COL12A1: variants seen among roughly 807,000 people sequenced by gnomAD.
COL12A1 encodes the protein collagen type XII alpha 1 chain.
In COL12A1, 114 loss-of-function variants were observed where a neutral mutation model predicts 349.7. The ratio of observed to expected loss-of-function variants is 0.33; its 90% confidence interval spans 0.28 to 0.38. The LOEUF (loss-of-function observed/expected upper bound fraction) is 0.38. COL12A1 is among the 10% of genes least tolerant of loss of function. COL12A1 has a pLI of 1.00. For synonymous variants in COL12A1, 1,369 were observed against 1,329.0 expected, an observed-to-expected ratio of 1.03 and a Z score of -0.66; for missense variants, 3,284 against 3,756.9, an observed-to-expected ratio of 0.87 and a Z score of 3.29.
In COL12A1 at chr6:75,181,179, C is replaced by T. The variant is rs910956127; in HGVS notation, c.1924G>A (p.Glu642Lys). Residue 642 changes from glutamate (E) to lysine (K), a missense_variant, in exon 11 of 66, where the codon GAA (glutamate) becomes AAA (lysine). Physicochemically the swap from Glu to Lys is moderately conservative, Grantham distance 56 (BLOSUM62 1). Around this residue, in one of 2 missense-constraint regions of COL12A1, gnomAD observed 2,601 missense variants for 2,824.8 expected, o/e 0.92. Coordinates refer to ENST00000322507, the MANE Select transcript of COL12A1 (RefSeq NM_004370.6). ...GTTTTGAAACCATAAGAAGTCACTT[C>T]TGAAAAACTAAGATCCTTTGGAGGG... ...YVPPKDLSFS[E>K]VTSYGFKTNW... 1.2e-6 allele frequency: 2 copies of T among 1,609,494 alleles called. No individual in the cohort carries two copies. Among genetic ancestry groups the T allele is most frequent in the African/African-American group, 2.7e-5 (2 of 73,692 alleles).
chr6:75,174,329 G>C (rs1768797689), intron 13 of COL12A1, among the ~76,000 whole-genome samples: 1 of 152,084 alleles, frequency 6.6e-6, no homozygotes, highest in African/African-American at 2.4e-5. Flanking sequence ...GGCCGAGGCG[G>C]GCGGATCACG....
intron 13 of COL12A1, among the ~76,000 whole-genome samples, chr6:75,169,643 T>C (rs1768521595): frequency 6.6e-6 from 1 of 152,220 alleles, no homozygotes; most frequent in African/African-American, 2.4e-5. Flanking sequence ...GTACTTGCTC[T>C]CTTCTGTTCT....
chr6:75,157,961 A>G (rs1319499426), intron 14 of COL12A1, among the ~76,000 whole-genome samples: 4 of 152,204 alleles, frequency 2.6e-5, no homozygotes, highest in Non-Finnish European at 2.9e-5. Flanking sequence ...ACAGTTTAAA[A>G]GCAAATGTCA....
At chr6:75,155,595 A>G in intron 16 of COL12A1, 67 bp downstream of exon 16, 1 of 1,471,396 alleles carries the variant, frequency 6.8e-7, no homozygotes, top group Non-Finnish European at 9.2e-7. Flanking sequence ...CTACTAATTT[A>G]CAAAAGCTAT....
intron 26 of COL12A1, 164 bp downstream of exon 26, chr6:75,143,088 C>A: frequency 1.4e-6 from 1 of 703,802 alleles, no homozygotes. Flanking sequence ...TCCAATATAT[C>A]ATTGATTTTC....
At position 75,116,027 on chromosome 6, in the gene COL12A1, G is replaced by C. The variant is rs1468041100; in HGVS notation, c.7550C>G (p.Thr2517Ser). 6.2e-7 allele frequency: 1 copy of C among 1,613,362 alleles called. No individual in the cohort carries two copies. Among genetic ancestry groups the C allele is most frequent in the Non-Finnish European group, 8.5e-7 (1 of 1,179,562 alleles). Residue 2517 changes from threonine to serine, a missense_variant, in exon 48 of 66, where the codon ACC becomes AGC. Thr to Ser is a moderately conservative substitution (Grantham distance 58, BLOSUM62 1). Around this residue, in one of 2 missense-constraint regions of COL12A1, gnomAD observed 683 missense variants for 932.1 expected, o/e 0.73. Transcript: ENST00000322507. ...AAAGTATAAATGCTTACCTGGTGAG[G>C]TGTAGCCATCCAAATAAATGAGAGG... ...SCPLIYLDGY[T>S]SPGFKMLEAY...
chr6:75,136,896 C>T (rs891424236), intron 31 of COL12A1, among the ~76,000 whole-genome samples: 1 of 152,010 alleles, frequency 6.6e-6, no homozygotes, highest in African/African-American at 2.4e-5. Context: ...CGAGTCCTAC[C>T]ATCTTTCTTG....
In COL12A1 at chr6:75,124,371, A is replaced by G. The variant is rs370244195; in HGVS notation, c.6608T>C (p.Leu2203Ser). 5.1e-5 allele frequency: 80 copies of G among 1,580,162 alleles called. No individual in the cohort carries two copies. The highest frequency in any genetic ancestry group is 1.1e-4 in the African/African-American group (8 of 73,848). ...TTTCAGATCTGTTACATTTAAATAT[A>G]CTACAAAATAAAGAAAGAAAGAGAT... Reference protein sequence around the residue: ...SVPLTDQGTTLYLNVTDLKTY... With the variant: ...SVPLTDQGTTSYLNVTDLKTY... Residue 2203 changes from leucine to serine, a missense_variant and splice_region_variant, in exon 41 of 66, where the codon TTA (leucine) becomes TCA (serine). Physicochemically the swap from Leu to Ser is moderately radical, Grantham distance 145. Coordinates refer to ENST00000322507, the MANE Select transcript of COL12A1 (RefSeq NM_004370.6).
chr6:75,168,227 C>T (rs1768410630), intron 13 of COL12A1, among the ~76,000 whole-genome samples: 1 of 152,192 alleles, frequency 6.6e-6, no homozygotes, highest in Non-Finnish European at 1.5e-5. Context: ...TCCCCAAACA[C>T]ATTGATAATT....
rs752152107 is a variant in COL12A1 at position 75,134,791 on chromosome 6, G to C, written c.5459C>G (p.Thr1820Ser). Residue 1820 changes from threonine to serine, a missense_variant, in exon 32 of 66, where the codon ACT becomes AGT. By Grantham distance (58) the Thr-to-Ser change is moderately conservative. Coordinates refer to ENST00000322507, the MANE Select transcript of COL12A1 (RefSeq NM_004370.6). The part of the protein sequence containing the change: ...LQKLKPDTPY[T>S]ITVSSLYPDG... Reference sequence around the variant, plus strand: ...AGGATACAGAGAGGATACGGTGATAGTGTAAGGAGTGTCTGGCTTCAGTTT... The same window carrying C: ...AGGATACAGAGAGGATACGGTGATACTGTAAGGAGTGTCTGGCTTCAGTTT... 1 of 1,613,524 alleles carries C rather than the reference G, an allele frequency of 6.2e-7. No individual in the cohort carries two copies.
chr6:75,116,330 G>A (rs1769078100), intron 47 of COL12A1, among the ~76,000 whole-genome samples: 1 of 152,026 alleles, frequency 6.6e-6, no homozygotes, highest in African/African-American at 2.4e-5. Flanking sequence ...AGAATTACAG[G>A]AGGAATTTTT....
At chr6:75,131,221 T>A (rs1454363862) in intron 35 of COL12A1, among the ~76,000 whole-genome samples, 1 of 152,216 alleles carries the variant, frequency 6.6e-6, no homozygotes, top group Non-Finnish European at 1.5e-5. Context: ...TATCTCCGTT[T>A]ATGTTTGTTA....
At chr6:75,108,950 G>A (rs1222488037) in intron 52 of COL12A1, 68 bp downstream of exon 52, 2 of 1,474,002 alleles carry the variant, frequency 1.4e-6, no homozygotes, top group Non-Finnish European at 1.9e-6. Flanking sequence ...AACTCAAGGA[G>A]TTGTTTAGAA....
At chr6:75,200,919 TACAAGAAAAGAC>T (rs1245455539) in intron 2 of COL12A1, among the ~76,000 whole-genome samples, 3 of 148,566 alleles carry the variant, frequency 2.0e-5, no homozygotes, top group Non-Finnish European at 4.5e-5. Context: ...GGAGATGGGA[TACAAGAAAAGAC>T]ACAGATTAAG....
intron 21 of COL12A1, among the ~76,000 whole-genome samples, chr6:75,150,428 T>C (rs1218507970): frequency 6.6e-6 from 1 of 152,166 alleles, no homozygotes. Flanking sequence ...GACCAAGTAA[T>C]TTTTCTCCAG....
chr6:75,130,032 C>T, intron 37 of COL12A1, 59 bp downstream of exon 37: 2 of 1,585,756 alleles, frequency 1.3e-6, no homozygotes, highest in Non-Finnish European at 8.6e-7. Context: ...AGAAGTTTAA[C>T]TTCACTGTCC....
rs553575841 is a variant in COL12A1, at chr6:75,126,466, T to C, written c.6345A>G (p.Gly2115=). 337 of 1,608,728 alleles carry C rather than the reference T, an allele frequency of 2.1e-4. 3 individuals carry two copies. In the South Asian group the frequency reaches 3.3e-3, roughly 16 times the overall value. ...GHLTGNGRTV[G]LLPPQNIHIS... ...TGTGTATGTTCTGAGGAGGAAGGAG[T>C]CCCACTGAAAACAAACATTGACACA... Residue 2115 remains glycine, a synonymous_variant, in exon 39 of 66, where the codon GGA becomes GGG. Transcript: ENST00000322507.
chr6:75,133,926 G>A lies in COL12A1; in HGVS notation c.5596C>T (p.His1866Tyr), dbSNP rs1262991701. The A allele has an allele frequency of 3.7e-6, 6 of 1,614,034 alleles. No individual in the cohort carries two copies. The highest frequency in any genetic ancestry group is 5.1e-6 in the Non-Finnish European group (6 of 1,179,966). ...STSTLNVRWD[H>Y]AEGNPRQYKL... ...TACTGACGAGGATTTCCCTCTGCAT[G>A]GTCCCAGCGGACATTCAAGGTGCTG... Residue 1866 changes from histidine to tyrosine, a missense_variant, in exon 33 of 66, where the codon CAT (histidine) becomes TAT (tyrosine). This residue lies in a region of COL12A1 where 2,601 missense variants were observed against 2,824.8 expected (regional missense o/e 0.92). Transcript: ENST00000322507.
rs1268088460 is a variant in COL12A1 at position 75,113,755 on chromosome 6, A to G, written c.7698-11T>C. The G allele has an allele frequency of 1.3e-6, 2 of 1,548,176 alleles. No homozygotes were observed. Among genetic ancestry groups the G allele is most frequent in the Non-Finnish European group, 1.7e-6 (2 of 1,147,086 alleles). On this transcript the variant is annotated splice_polypyrimidine_tract_variant and intron_variant, in intron 49 of 65. Coordinates refer to ENST00000322507, the MANE Select transcript of COL12A1 (RefSeq NM_004370.6). ...TTTGGGTGTAGGTCTCTGTTGGATA[A>G]AACAAAAGAAAGAAAAAGGAGAGGA... is the stretch of plus-strand genomic sequence containing the variant.
Sources: gnomAD v4.1 joint callset for allele counts (sites outside exome capture counted in the v4.1 genomes callset) on GRCh38, gnomAD v4.1.1 for gene constraint, gnomAD v4.1.1 regional missense constraint, MANE v1.5 for transcripts, NCBI Gene and HGNC (gene_info 2026-07-23, HGNC 2026-07-21) for gene names.